The following MYO1B variants were observed in gnomAD, a reference collection of about 807,000 sequenced individuals.
MYO1B encodes unconventional myosin-Ib.
In MYO1B, 72 loss-of-function variants were observed where a neutral mutation model predicts 159.7. The ratio of observed to expected loss-of-function variants is 0.45; its 90% confidence interval spans 0.37 to 0.55. The LOEUF (loss-of-function observed/expected upper bound fraction) is 0.55, where lower values mean the gene tolerates loss of function less well. MYO1B is among the 20% of genes least tolerant of loss of function. The probability of loss-of-function intolerance (pLI) is 0.00; values close to 1 mark genes in which losing one functional copy is unlikely to be tolerated. For synonymous variants in MYO1B, 468 were observed against 473.8 expected, an observed-to-expected ratio of 0.99 and a Z score of 0.16; for missense variants, 1,062 against 1,364.8, an observed-to-expected ratio of 0.78 and a Z score of 3.50.
At chr2:191,270,645 TC>T (rs1353405927) in intron 1 of MYO1B, among the ~76,000 whole-genome samples, 2 of 152,230 alleles carry the variant, frequency 1.3e-5, no homozygotes, top group Non-Finnish European at 2.9e-5. Context: ...CTCCCTTAGC[TC>T]ATTATATTAG....
At chr2:191,250,888 TTG>T (rs1686070745) in intron 1 of MYO1B, among the ~76,000 whole-genome samples, 3 of 152,164 alleles carry the variant, frequency 2.0e-5, no homozygotes, top group Non-Finnish European at 4.4e-5. Context: ...GGTGAGTACT[TTG>T]ATGCTTTGGT....
Position 191,414,183 on chromosome 2 carries a change from A to G in MYO1B, c.3006+3A>G. 3.1e-6 allele frequency: 5 copies of G among 1,610,180 alleles called. No individual in the cohort carries two copies. Among genetic ancestry groups the G allele is most frequent in the Non-Finnish European group, 4.2e-6 (5 of 1,178,768 alleles). ...AAATTAACCGTGCTAATGGGAAGGTAAAAATGCTAACCTTGAAGACTGATA... is the reference window on the plus strand; with the variant it reads ...AAATTAACCGTGCTAATGGGAAGGTGAAAATGCTAACCTTGAAGACTGATA... On this transcript the variant is annotated splice_donor_region_variant and intron_variant, in intron 28 of 30. Transcript: ENST00000392318.
In MYO1B at chr2:191,352,324, A is replaced by G. The variant is rs554392456; in HGVS notation, c.562+2099A>G. ...AAGACAAATTAACTCTAGCTATAAA[A>G]TTAATAAAACACTGTTTTTAAAAAT... On this transcript the variant is annotated intron_variant, in intron 7 of 30. Coordinates refer to ENST00000392318, the MANE Select transcript of MYO1B (RefSeq NM_001130158.3). Among the ~76,000 whole-genome samples the G allele has an allele frequency of 1.2e-4, 19 of 152,342 alleles. No individual in the cohort carries two copies. The East Asian group carries it at 3.3e-3, about 26-fold the overall frequency.
intron 1 of MYO1B, among the ~76,000 whole-genome samples, chr2:191,265,713 C>T (rs116385676): frequency 0.019 from 2,942 of 152,248 alleles, 43 homozygotes; most frequent in Non-Finnish European, 0.032. Flanking sequence ...CTCGAAGGAA[C>T]GCATTGAAAA....
At position 191,325,869 on chromosome 2, in the gene MYO1B, TCTAAAAC is replaced by T. The variant is rs1691027178; in HGVS notation, c.252-4059_252-4053del. Among the ~76,000 whole-genome samples, 2 of 151,834 alleles carry T rather than the reference TCTAAAAC, an allele frequency of 1.3e-5. 1 individual carries two copies. Among genetic ancestry groups the T allele is most frequent in the Non-Finnish European group, 2.9e-5 (2 of 67,938 alleles). On this transcript the variant is annotated intron_variant, in intron 3 of 30. Coordinates refer to ENST00000392318, the MANE Select transcript of MYO1B (RefSeq NM_001130158.3). ...TAACAGATGAGCCCCAAACCAAACT[TCTAAAAC>T]CTAAAAGTGATAGATACAGCTGTCT...
At chr2:191,381,626 T>G in intron 14 of MYO1B, 60 bp downstream of exon 14, 1 of 1,231,768 alleles carries the variant, frequency 8.1e-7, no homozygotes, top group Non-Finnish European at 1.2e-6. Flanking sequence ...ATATAAATTC[T>G]AATTCAGAAG....
intron 16 of MYO1B, among the ~76,000 whole-genome samples, 168 bp from the exon 17 acceptor site, chr2:191,387,056 A>G (rs1341148335): frequency 6.6e-6 from 1 of 152,216 alleles, no homozygotes; most frequent in Non-Finnish European, 1.5e-5. Context: ...GACAGATGGA[A>G]TTTAAACTTG....
intron 7 of MYO1B, among the ~76,000 whole-genome samples, chr2:191,359,652 C>T (rs548122574): frequency 3.9e-5 from 6 of 152,226 alleles, no homozygotes; most frequent in African/African-American, 1.4e-4. Flanking sequence ...GTTTAATGAT[C>T]GTTCCTAGAT....
intron 5 of MYO1B, among the ~76,000 whole-genome samples, chr2:191,341,893 A>G (rs1692248133): frequency 6.6e-6 from 1 of 152,028 alleles, no homozygotes; most frequent in Non-Finnish European, 1.5e-5. Flanking sequence ...ATTATTCAGG[A>G]TAACACCTGT....
intron 1 of MYO1B, among the ~76,000 whole-genome samples, chr2:191,265,069 G>A (rs1053256213): frequency 7.2e-5 from 11 of 152,054 alleles, no homozygotes; most frequent in African/African-American, 2.2e-4. Context: ...GAATGCCAAA[G>A]CTGTTGTTTT....
At chr2:191,335,714 G>A (rs776372720) in intron 4 of MYO1B, among the ~76,000 whole-genome samples, 1 of 152,122 alleles carries the variant, frequency 6.6e-6, no homozygotes, top group Non-Finnish European at 1.5e-5. Context: ...TTCAATAAAA[G>A]TCTTTACTTA....
At chr2:191,285,902 G>T (rs17346412) in intron 2 of MYO1B, among the ~76,000 whole-genome samples, 1 of 151,830 alleles carries the variant, frequency 6.6e-6, no homozygotes, top group Non-Finnish European at 1.5e-5. Context: ...GTTGTCAGGG[G>T]TTCCTAGGTG....
chr2:191,414,780 A>G (rs550476613), intron 29 of MYO1B, 111 bp downstream of exon 29: 1 of 1,173,226 alleles, frequency 8.5e-7, no homozygotes, highest in African/African-American at 1.6e-5. Context: ...CTAATTTGCA[A>G]ATTTTGGATA....
intron 30 of MYO1B, among the ~76,000 whole-genome samples, chr2:191,422,284 G>A (rs922558347): frequency 6.6e-6 from 1 of 152,156 alleles, no homozygotes; most frequent in African/African-American, 2.4e-5. Flanking sequence ...GGAACTGGAA[G>A]ACCTGGTTTC....
intron 11 of MYO1B, among the ~76,000 whole-genome samples, chr2:191,365,324 G>A (rs1265046327): frequency 6.6e-6 from 1 of 152,088 alleles, no homozygotes; most frequent in East Asian, 1.9e-4. Flanking sequence ...TAAATGGTAG[G>A]GTGGAGCCAG....
At chr2:191,382,787 T>A (rs1265472224) in intron 14 of MYO1B, among the ~76,000 whole-genome samples, 2 of 152,166 alleles carry the variant, frequency 1.3e-5, no homozygotes, top group Non-Finnish European at 2.9e-5. Context: ...AGCGCTGGCC[T>A]GTTTTTTTTA....
chr2:191,382,832 A>G (rs1027093288), intron 14 of MYO1B, among the ~76,000 whole-genome samples: 1 of 152,136 alleles, frequency 6.6e-6, no homozygotes. Flanking sequence ...ACAACACAAG[A>G]TTGACTCTAA....
intron 30 of MYO1B, among the ~76,000 whole-genome samples, chr2:191,419,691 A>G (rs995193886): frequency 6.6e-6 from 1 of 152,208 alleles, no homozygotes; most frequent in Non-Finnish European, 1.5e-5. Context: ...GGGACAAGAC[A>G]TGGAGATAGA....
At chr2:191,319,002 T>G (rs1201724168) in intron 3 of MYO1B, among the ~76,000 whole-genome samples, 2 of 152,052 alleles carry the variant, frequency 1.3e-5, no homozygotes. Flanking sequence ...TGTAAACTGA[T>G]GAGGGAGGGA....
Sources: gnomAD v4.1 joint callset for allele counts (sites outside exome capture counted in the v4.1 genomes callset) on GRCh38, gnomAD v4.1.1 for gene constraint, MANE v1.5 for transcripts, NCBI Gene and HGNC (gene_info 2026-07-23, HGNC 2026-07-21) for gene names.